The following CHGA variants were observed in gnomAD, a reference collection of about 807,000 sequenced individuals.
CHGA encodes the protein chromogranin-A.
CHGA carries 41 observed loss-of-function variants against 54.4 expected under a neutral mutation model. The ratio of observed to expected loss-of-function variants is 0.75; its 90% confidence interval spans 0.59 to 0.98. CHGA has a LOEUF of 0.98. Ranked by LOEUF, CHGA falls within the 50% of genes least tolerant of loss-of-function variation. The probability of loss-of-function intolerance (pLI) is 0.00; values close to 1 mark genes in which losing one functional copy is unlikely to be tolerated. For missense variants in CHGA, 576 were observed against 582.3 expected, an observed-to-expected ratio of 0.99 and a Z score of 0.11; for synonymous variants, 249 against 232.8, an observed-to-expected ratio of 1.07 and a Z score of -0.63.
chr14:92,931,339 G>A lies in CHGA; in HGVS notation c.445G>A (p.Ala149Thr). ...AEKSGEATDGARPQALPEPMQ... is the reference protein window; with the variant it reads ...AEKSGEATDGTRPQALPEPMQ... ...GAAAAGTGGTGAAGCCACAGACGGAGCCAGGCCCCAGGCCCTCCCGGAGCC... is the reference window on the plus strand; with the variant it reads ...GAAAAGTGGTGAAGCCACAGACGGAACCAGGCCCCAGGCCCTCCCGGAGCC... The change falls in exon 6 of 8, where the codon GCC becomes ACC. Residue 149 changes from alanine to threonine, a missense_variant. Transcript: ENST00000216492. 1 of 1,613,758 alleles carries A rather than the reference G, an allele frequency of 6.2e-7. No homozygotes were observed. The highest frequency in any genetic ancestry group is 1.7e-5 in the Admixed American group (1 of 60,022).
chr14:92,932,821 G>A lies in CHGA; in HGVS notation c.1260G>A (p.Glu420=). The A allele has an allele frequency of 1.3e-6, 2 of 1,531,916 alleles. No individual in the cohort carries two copies. The highest frequency in any genetic ancestry group is 1.3e-5 in the South Asian group (1 of 79,236). 94.9% of individuals were successfully genotyped at this position (1,531,916 alleles called of 1,614,324 possible). A position where few individuals can be genotyped will look rare whatever the true frequency, so the allele number is the denominator to read the frequency against. Residue 420 remains glutamate, a synonymous_variant, in exon 7 of 8, where the codon GAG becomes GAA. Coordinates refer to ENST00000216492, the MANE Select transcript of CHGA (RefSeq NM_001275.4). The surrounding 1 kb of genome is among the most constrained non-coding windows in gnomAD (Gnocchi z 5.3). ...GAGGCTACCCCGAGGAGAAGAAAGA[G>A]GAGGAGGGCAGCGCAAACCGCAGAC... The part of the protein sequence containing the change: ...QVRGYPEEKK[E]EEGSANRRPE...
Position 92,932,992 on chromosome 14 carries a change from G to A in CHGA, c.1290+141G>A, listed in dbSNP as rs1446322258. On this transcript the variant is annotated intron_variant, in intron 7 of 7. Coordinates refer to ENST00000216492, the MANE Select transcript of CHGA (RefSeq NM_001275.4). This position sits in a 1 kb window ranked among gnomAD's most constrained non-coding sequence, Gnocchi z 5.3. ...GGGGATGGAGAGATGCTCAGACCGG[G>A]GGCTCTCAGGGTGGGAGAACACCCC... is the stretch of plus-strand genomic sequence containing the variant. 8.5e-6 allele frequency: 11 copies of A among 1,301,506 alleles called. No individual in the cohort carries two copies. Among genetic ancestry groups the A allele is most frequent in the Non-Finnish European group, 1.1e-5 (11 of 981,044 alleles). The allele number at this position is 1,301,506 out of a possible 1,614,324, so 80.6% of individuals were successfully genotyped here.
chr14:92,934,814 A>T lies in CHGA; in HGVS notation c.1304A>T (p.Glu435Val). Reference sequence around the variant, plus strand: ...TGTCTCTCCTAGGACCAGGAGCTGGAGAGCCTGTCGGCCATTGAAGCAGAG... The same window carrying T: ...TGTCTCTCCTAGGACCAGGAGCTGGTGAGCCTGTCGGCCATTGAAGCAGAG... Reference protein sequence around the residue: ...ANRRPEDQELESLSAIEAELE... With the variant: ...ANRRPEDQELVSLSAIEAELE... The change falls in exon 8 of 8, where the codon GAG (glutamate) becomes GTG (valine). Residue 435 changes from glutamate (E) to valine (V), a missense_variant. Transcript: ENST00000216492. The T allele has an allele frequency of 6.3e-7, 1 of 1,584,620 alleles. No individual in the cohort carries two copies. The highest frequency in any genetic ancestry group is 8.6e-7 in the Non-Finnish European group (1 of 1,166,432).
Position 92,935,217 on chromosome 14 carries a change from G to A in CHGA, c.*333G>A, listed in dbSNP as rs1887100546. On this transcript the variant is annotated 3_prime_UTR_variant, in exon 8 of 8. Transcript: ENST00000216492. ...CTTCTGACCTTTTGGTGAAAGCTGA[G>A]AACTCCTGACTGTAACATATTCTGT... The A allele has an allele frequency of 3.0e-6, 1 of 331,708 alleles. No individual in the cohort carries two copies. Among genetic ancestry groups the A allele is most frequent in the Admixed American group, 5.1e-5 (1 of 19,614 alleles). The allele number at this position is 331,708 out of a possible 1,614,324, so 20.5% of individuals were successfully genotyped here. A position where few individuals can be genotyped will look rare whatever the true frequency, so the allele number is the denominator to read the frequency against.
intron 4 of CHGA, among the ~76,000 whole-genome samples, chr14:92,928,700 G>A (rs923473747): frequency 2.0e-5 from 3 of 152,300 alleles, no homozygotes; most frequent in South Asian, 2.1e-4. Context: ...AGGAGAATGT[G>A]TCCTGAAACA....
At chr14:92,923,459 T>C in intron 1 of CHGA, 54 bp downstream of exon 1, 1 of 1,232,126 alleles carries the variant, frequency 8.1e-7, no homozygotes, top group Non-Finnish European at 1.0e-6. Flanking sequence ...CCTGCCCACC[T>C]TGAGGTCCGG....
Position 92,932,715 on chromosome 14 carries a change from G to A in CHGA, c.1154G>A (p.Gly385Asp), listed in dbSNP as rs1280075530. 1.2e-6 allele frequency: 2 copies of A among 1,610,990 alleles called. No individual in the cohort carries two copies. The highest frequency in any genetic ancestry group is 1.7e-6 in the Non-Finnish European group (2 of 1,179,560). The change falls in exon 7 of 8, where the codon GGC becomes GAC. Residue 385 changes from glycine to aspartate, a missense_variant. Coordinates refer to ENST00000216492, the MANE Select transcript of CHGA (RefSeq NM_001275.4). The surrounding 1 kb of genome is among the most constrained non-coding windows in gnomAD (Gnocchi z 5.3). The part of the protein sequence containing the change: ...SFRARAYGFR[G>D]PGPQLRRGWR... ...CGGGCCCGGGCCTACGGCTTCAGGG[G>A]CCCTGGGCCGCAGCTGCGACGAGGC... is the stretch of plus-strand genomic sequence containing the variant.
At position 92,929,790 on chromosome 14, in the gene CHGA, C is replaced by T. The variant is rs753703843; in HGVS notation, c.330C>T (p.Asn110=). Residue 110 remains asparagine (N), a synonymous_variant, in exon 5 of 8, where the codon AAC becomes AAT. Coordinates refer to ENST00000216492, the MANE Select transcript of CHGA (RefSeq NM_001275.4). ...FEDELSEVLE[N]QSSQAELKEA... ...ATGAACTCTCAGAGGTTCTTGAGAA[C>T]CAGAGCAGCCAGGCCGAGCTGAAAG... The T allele has an allele frequency of 9.3e-6, 15 of 1,612,778 alleles. No individual in the cohort carries two copies. The South Asian group carries it at 1.6e-4, about 18-fold the overall frequency.
At chr14:92,926,415 G>A in intron 2 of CHGA, 190 bp from the exon 3 acceptor site, 1 of 607,902 alleles carries the variant, frequency 1.6e-6, no homozygotes, top group African/African-American at 1.8e-5. Context: ...ACTGTGTTAA[G>A]GGTTTTCTAT....
intron 2 of CHGA, among the ~76,000 whole-genome samples, chr14:92,924,598 G>C (rs752193218): frequency 2.6e-5 from 4 of 152,216 alleles, no homozygotes; most frequent in African/African-American, 7.2e-5. Flanking sequence ...CCACAGACCT[G>C]TAAAAATGGC....
At chr14:92,926,312 C>T in intron 2 of CHGA, 1 of 414,678 alleles carries the variant, frequency 2.4e-6, no homozygotes. Flanking sequence ...GAGAAGGTAC[C>T]AGGTACCATT....
chr14:92,934,878 G>A lies in CHGA; in HGVS notation c.1368G>A (p.Arg456=). The A allele has an allele frequency of 6.4e-7, 1 of 1,566,250 alleles. No individual in the cohort carries two copies. Among genetic ancestry groups the A allele is most frequent in the Non-Finnish European group, 8.6e-7 (1 of 1,157,750 alleles). The change falls in exon 8 of 8, where the codon CGG becomes CGA. Residue 456 remains arginine (R), a synonymous_variant. Coordinates refer to ENST00000216492, the MANE Select transcript of CHGA (RefSeq NM_001275.4). ...CCCACCAGCTGCAGGCACTACGGCGGGGCTGAGACACCGGCTGGCAGGGCT... is the reference window on the plus strand; with the variant it reads ...CCCACCAGCTGCAGGCACTACGGCGAGGCTGAGACACCGGCTGGCAGGGCT... ...KVAHQLQALR[R]G
chr14:92,932,757 G>A lies in CHGA; in HGVS notation c.1196G>A (p.Arg399Gln), dbSNP rs776448712. 58 of 1,605,916 alleles carry A rather than the reference G, an allele frequency of 3.6e-5. No homozygotes were observed. The highest frequency in any genetic ancestry group is 1.0e-4 in the South Asian group (9 of 89,512). The stretch of plus-strand genomic sequence containing the variant: ...CGACGAGGCTGGAGGCCATCCTCCC[G>A]GGAGGACAGCCTTGAGGCGGGCCTG... ...QLRRGWRPSS[R>Q]EDSLEAGLPL... Residue 399 changes from arginine (R) to glutamine (Q), a missense_variant, in exon 7 of 8, where the codon CGG becomes CAG. Transcript: ENST00000216492. The surrounding 1 kb of genome is among the most constrained non-coding windows in gnomAD (Gnocchi z 5.3).
chr14:92,931,971 C>T (rs576071084), intron 6 of CHGA, among the ~76,000 whole-genome samples: 4 of 152,190 alleles, frequency 2.6e-5, no homozygotes, highest in African/African-American at 7.2e-5. Flanking sequence ...AGCCTCCCCC[C>T]ACCAACCCCA....
chr14:92,932,541 A>C lies in CHGA; in HGVS notation c.980A>C (p.Gln327Pro). ...GGTGGGAAGAGCGGAGAGCTGGAGC[A>C]GGAGGAGGAGCGGCTCTCCAAGGAG... is the stretch of plus-strand genomic sequence containing the variant. Reference protein sequence around the residue: ...FRGGKSGELEQEEERLSKEWE... With the variant: ...FRGGKSGELEPEEERLSKEWE... The change falls in exon 7 of 8, where the codon CAG (glutamine) becomes CCG (proline). Residue 327 changes from glutamine (Q) to proline (P), a missense_variant. Coordinates refer to ENST00000216492, the MANE Select transcript of CHGA (RefSeq NM_001275.4). The surrounding 1 kb of genome is among the most constrained non-coding windows in gnomAD (Gnocchi z 5.3). The C allele has an allele frequency of 1.3e-6, 2 of 1,554,568 alleles. No homozygotes were observed. The highest frequency in any genetic ancestry group is 1.7e-6 in the Non-Finnish European group (2 of 1,148,966).
At position 92,932,245 on chromosome 14, in the gene CHGA, G is replaced by T. The variant is rs747999063; in HGVS notation, c.809-125G>T. On this transcript the variant is annotated intron_variant, in intron 6 of 7. Coordinates refer to ENST00000216492, the MANE Select transcript of CHGA (RefSeq NM_001275.4). The surrounding 1 kb of genome is among the most constrained non-coding windows in gnomAD (Gnocchi z 5.3). ...GCCTGGCATCAAGAAGGTTTTTCCC[G>T]CTAAGCGTCATCACTGTGGAGAGGC... The T allele has an allele frequency of 4.6e-5, 62 of 1,347,912 alleles. 1 individual carries two copies. Among genetic ancestry groups the T allele is most frequent in the Non-Finnish European group, 6.0e-5 (61 of 1,016,496 alleles). 83.5% of individuals were successfully genotyped at this position (1,347,912 alleles called of 1,614,324 possible).
rs371215355 is a variant in CHGA, at chr14:92,931,578, AGAGGAGGAGGAGGAG to A, written c.695_709del (p.Glu232_Glu236del). 5.6e-6 allele frequency: 9 copies of A among 1,610,608 alleles called. No homozygotes were observed. The highest frequency in any genetic ancestry group is 1.3e-5 in the African/African-American group (1 of 74,390). On this transcript the variant is annotated inframe_deletion, in exon 6 of 8. Transcript: ENST00000216492. ...AGCCAGGGTGGCAGGCAAAGAGAGAAGAGGAGGAGGAGGAGGAGGAGGAGGCTGAGGCTGGAGAGG... is the reference window on the plus strand; with the variant it reads ...AGCCAGGGTGGCAGGCAAAGAGAGAAGAGGAGGAGGCTGAGGCTGGAGAGG...
chr14:92,930,751 G>A (rs746592047), intron 5 of CHGA, among the ~76,000 whole-genome samples: 18 of 152,166 alleles, frequency 1.2e-4, no homozygotes, highest in Admixed American at 7.2e-4. Flanking sequence ...TTCTAATGAC[G>A]GGAGGAATTT....
Position 92,932,729 on chromosome 14 carries a change from C to CT in CHGA, c.1169dup (p.Arg391AlafsTer14). 4 of 1,610,708 alleles carry CT rather than the reference C, an allele frequency of 2.5e-6. No homozygotes were observed. The highest frequency in any genetic ancestry group is 3.4e-6 in the Non-Finnish European group (4 of 1,179,338). On this transcript the variant is annotated frameshift_variant, in exon 7 of 8. Coordinates refer to ENST00000216492, the MANE Select transcript of CHGA (RefSeq NM_001275.4). LOFTEE classifies it high-confidence loss of function. The surrounding 1 kb of genome is among the most constrained non-coding windows in gnomAD (Gnocchi z 5.3). ...CGGCTTCAGGGGCCCTGGGCCGCAG[C>CT]TGCGACGAGGCTGGAGGCCATCCTC...
Sources: allele counts gnomAD v4.1 joint callset (sites outside exome capture counted in the v4.1 genomes callset), GRCh38; gene constraint gnomAD v4.1.1; non-coding constraint Gnocchi (gnomAD v3.1); transcripts MANE v1.5; gene names NCBI Gene and HGNC (gene_info 2026-07-23, HGNC 2026-07-21).